The following ZFPM2 variants were observed in gnomAD, a reference collection of about 807,000 sequenced individuals.
ZFPM2 encodes zinc finger protein ZFPM2.
ZFPM2 carries 20 observed loss-of-function variants against 98.6 expected under a neutral mutation model. That is an observed-to-expected ratio of 0.20 (90% CI 0.14 to 0.29). The LOEUF (loss-of-function observed/expected upper bound fraction) is 0.29. Ranked by LOEUF, ZFPM2 falls within the 10% of genes least tolerant of loss-of-function variation. The pLI is 1.00. For missense variants in ZFPM2, 1,310 were observed against 1,388.6 expected, an observed-to-expected ratio of 0.94 and a Z score of 0.90; for synonymous variants, 518 against 502.7, an observed-to-expected ratio of 1.03 and a Z score of -0.41.
intron 2 of ZFPM2, among the ~76,000 whole-genome samples, chr8:105,440,074 G>C (rs1479777027): frequency 1.3e-5 from 2 of 152,056 alleles, no homozygotes; most frequent in Non-Finnish European, 2.9e-5. Flanking sequence ...AAGTTCTCAA[G>C]TTTCTTATAT....
chr8:105,460,195 G>T (rs1417249603), intron 3 of ZFPM2, among the ~76,000 whole-genome samples: 3 of 152,156 alleles, frequency 2.0e-5, no homozygotes, highest in Non-Finnish European at 4.4e-5. Flanking sequence ...GTGCAGGAAA[G>T]GTTTTCAATA....
intron 5 of ZFPM2, among the ~76,000 whole-genome samples, chr8:105,784,322 A>C (rs779014590): frequency 3.1e-5 from 4 of 128,390 alleles, no homozygotes; most frequent in Non-Finnish European, 5.9e-5. Context: ...GTCTGTTTTT[A>C]ACTGGTCCAC....
intron 1 of ZFPM2, chr8:105,418,635 T>C (rs1203757918): frequency 1.9e-6 from 1 of 517,906 alleles, no homozygotes; most frequent in South Asian, 1.4e-5. Context: ...CTCAAACACA[T>C]ATAATGAAAT....
At chr8:105,775,387 C>A (rs10505084) in intron 5 of ZFPM2, among the ~76,000 whole-genome samples, 24,594 of 151,724 alleles carry the variant, frequency 0.16, 3,661 homozygotes, top group African/African-American at 0.39. Flanking sequence ...GCATACCCAA[C>A]ACACAAGTCG....
At chr8:105,420,260 C>A (rs1210922326) in intron 2 of ZFPM2, among the ~76,000 whole-genome samples, 2 of 151,932 alleles carry the variant, frequency 1.3e-5, no homozygotes, top group Non-Finnish European at 2.9e-5. Flanking sequence ...AATCAGACTT[C>A]ATAGTCTCAA....
intron 5 of ZFPM2, among the ~76,000 whole-genome samples, chr8:105,704,369 T>G (rs866774084): frequency 6.6e-6 from 1 of 152,180 alleles, no homozygotes; most frequent in Admixed American, 6.5e-5. Flanking sequence ...GTCTGAAATG[T>G]CATGGCCTCT....
intron 1 of ZFPM2, among the ~76,000 whole-genome samples, chr8:105,416,085 A>G (rs1811674764): frequency 6.6e-6 from 1 of 151,924 alleles, no homozygotes; most frequent in Non-Finnish European, 1.5e-5. Context: ...ACAACCCTGG[A>G]ATAGATAATA....
intron 5 of ZFPM2, among the ~76,000 whole-genome samples, chr8:105,733,760 C>T (rs1812003437): frequency 6.6e-6 from 1 of 151,774 alleles, no homozygotes; most frequent in Non-Finnish European, 1.5e-5. Context: ...AAAACACTGC[C>T]CCTATCTTAC....
intron 1 of ZFPM2, among the ~76,000 whole-genome samples, chr8:105,359,861 C>T (rs1812823161): frequency 6.6e-6 from 1 of 152,160 alleles, no homozygotes; most frequent in East Asian, 1.9e-4. Context: ...ATCTGTTTTT[C>T]TGAATGAACT....
chr8:105,473,657 C>T (rs927555240), intron 3 of ZFPM2, among the ~76,000 whole-genome samples: 9 of 152,152 alleles, frequency 5.9e-5, no homozygotes, highest in Admixed American at 5.9e-4. Flanking sequence ...TCTTTTATAT[C>T]CTGAGGAAAC....
At chr8:105,486,088 C>G (rs1187093946) in intron 3 of ZFPM2, among the ~76,000 whole-genome samples, 1 of 151,942 alleles carries the variant, frequency 6.6e-6, no homozygotes, top group Admixed American at 6.6e-5. Context: ...AGAAATGGAT[C>G]TTTCTGGTTG....
At chr8:105,539,772 A>T (rs565409042) in intron 3 of ZFPM2, among the ~76,000 whole-genome samples, 68 of 152,302 alleles carry the variant, frequency 4.5e-4, no homozygotes, top group African/African-American at 1.6e-3. Flanking sequence ...CAGTCAGATC[A>T]TGGAAGACTT....
intron 1 of ZFPM2, among the ~76,000 whole-genome samples, chr8:105,394,677 G>C (rs1317384708): frequency 6.6e-6 from 1 of 152,184 alleles, no homozygotes; most frequent in African/African-American, 2.4e-5. Flanking sequence ...CTTCGAGTGT[G>C]GGCTCTGGCC....
At chr8:105,505,160 T>C (rs775408353) in intron 3 of ZFPM2, among the ~76,000 whole-genome samples, 2 of 152,116 alleles carry the variant, frequency 1.3e-5, no homozygotes, top group Non-Finnish European at 2.9e-5. Flanking sequence ...AGCTGTAAAA[T>C]GAAAGAAATT....
intron 5 of ZFPM2, chr8:105,685,753 T>G (rs1440505234): frequency 6.6e-6 from 1 of 152,066 alleles, no homozygotes; most frequent in Non-Finnish European, 1.5e-5. Flanking sequence ...ACCTTTATCC[T>G]CACAGGATTG....
chr8:105,580,666 A>G (rs1245007858), intron 4 of ZFPM2, among the ~76,000 whole-genome samples: 1 of 152,106 alleles, frequency 6.6e-6, no homozygotes, highest in African/African-American at 2.4e-5. Flanking sequence ...TATCCAAAAG[A>G]TTGCAGCACC....
In ZFPM2 at chr8:105,567,533, C is replaced by T. The variant is rs565108663; in HGVS notation, c.420+6052C>T. Reference sequence around the variant, plus strand: ...GACCTCTTCCCTTTCCTGCTTACTTCGCCACAACCTTACTGGAATTTTCTG... The same window carrying T: ...GACCTCTTCCCTTTCCTGCTTACTTTGCCACAACCTTACTGGAATTTTCTG... On this transcript the variant is annotated intron_variant, in intron 4 of 7. Transcript: ENST00000407775. Among the ~76,000 whole-genome samples the T allele has an allele frequency of 8.6e-5, 13 of 151,860 alleles. 1 individual carries two copies. The East Asian group carries it at 1.7e-3, about 20-fold the overall frequency.
chr8:105,348,333 T>A (rs1563614994), intron 1 of ZFPM2, among the ~76,000 whole-genome samples: 2 of 152,232 alleles, frequency 1.3e-5, no homozygotes, highest in African/African-American at 4.8e-5. Flanking sequence ...ATTCTAAAAT[T>A]TGAATTGCTT....
chr8:105,395,672 T>A (rs867298571), intron 1 of ZFPM2, among the ~76,000 whole-genome samples: 7 of 152,224 alleles, frequency 4.6e-5, no homozygotes, highest in African/African-American at 1.7e-4. Context: ...TCAAACATAA[T>A]AAATTGACAT....
Sources: allele counts gnomAD v4.1 joint callset (sites outside exome capture counted in the v4.1 genomes callset), GRCh38; gene constraint gnomAD v4.1.1; transcripts MANE v1.5; gene names NCBI Gene and HGNC (gene_info 2026-07-23, HGNC 2026-07-21).